MYO9A: variants seen among roughly 807,000 people sequenced by gnomAD.
MYO9A encodes myosin IXA, also known as unconventional myosin-IXa.
In MYO9A, 103 loss-of-function variants were observed where a neutral mutation model predicts 293.3. The observed-to-expected ratio is 0.35, with a 90% CI of 0.30 to 0.41. The LOEUF (loss-of-function observed/expected upper bound fraction) is 0.41. MYO9A is among the 10% of genes least tolerant of loss of function. MYO9A has a pLI of 1.00. For synonymous variants in MYO9A, 1,001 were observed against 1,035.7 expected, an observed-to-expected ratio of 0.97 and a Z score of 0.64; for missense variants, 2,685 against 3,033.0, an observed-to-expected ratio of 0.89 and a Z score of 2.69.
At chr15:71,926,100 G>A (rs1596209000) in intron 18 of MYO9A, among the ~76,000 whole-genome samples, 1 of 152,278 alleles carries the variant, frequency 6.6e-6, no homozygotes, top group African/African-American at 2.4e-5. Context: ...CTAGGTAGGT[G>A]CAGCAGTGTA....
intron 15 of MYO9A, among the ~76,000 whole-genome samples, chr15:71,947,158 T>A (rs1335464106): frequency 6.6e-6 from 1 of 151,944 alleles, no homozygotes; most frequent in Non-Finnish European, 1.5e-5. Context: ...GGCATGCACC[T>A]GTAGTCCGAG....
At chr15:71,911,640 T>TA (rs1449321778) in intron 19 of MYO9A, among the ~76,000 whole-genome samples, 3 of 152,188 alleles carry the variant, frequency 2.0e-5, no homozygotes, top group Non-Finnish European at 4.4e-5. Context: ...AAACTTCTTT[T>TA]AAAAAACTAC....
chr15:71,851,459 T>C, intron 36 of MYO9A, 101 bp from the exon 37 acceptor site: 1 of 843,002 alleles, frequency 1.2e-6, no homozygotes, highest in South Asian at 2.1e-5. Flanking sequence ...CTACAGAGTT[T>C]TAGGAGTAGT....
At chr15:72,041,464 A>C in intron 2 of MYO9A, 1 of 358,826 alleles carries the variant, frequency 2.8e-6, no homozygotes, top group Admixed American at 3.9e-5. Context: ...TTTCCCATGA[A>C]AACAGCAATT....
intron 34 of MYO9A, among the ~76,000 whole-genome samples, chr15:71,856,990 AAATAG>A (rs751374482): frequency 6.4e-4 from 97 of 152,194 alleles, no homozygotes; most frequent in Non-Finnish European, 6.3e-4. Flanking sequence ...ATTATTATAG[AAATAG>A]AATAGAATAA....
chr15:71,987,749 G>GT (rs1416522762), intron 11 of MYO9A, among the ~76,000 whole-genome samples: 1 of 152,072 alleles, frequency 6.6e-6, no homozygotes, highest in Non-Finnish European at 1.5e-5. Flanking sequence ...CTGTGATACT[G>GT]TACCTTCTTT....
Position 71,862,737 on chromosome 15 carries a change from A to T in MYO9A, c.5980-126T>A, listed in dbSNP as rs2056187705. ...CACTAATTCCAGGGGGACAATTAGGATCTTTTGAGAAATAACATAAAATAA... is the reference window on the plus strand; with the variant it reads ...CACTAATTCCAGGGGGACAATTAGGTTCTTTTGAGAAATAACATAAAATAA... On this transcript the variant is annotated intron_variant, in intron 32 of 41. Transcript: ENST00000356056. 1.0e-5 allele frequency: 6 copies of T among 590,474 alleles called. No individual in the cohort carries two copies. The Middle Eastern group carries it at 1.4e-3, about 136-fold the overall frequency. 36.6% of individuals were successfully genotyped at this position (590,474 alleles called of 1,614,324 possible).
Position 72,046,034 on chromosome 15 carries a change from G to C in MYO9A, c.530C>G (p.Thr177Ser). Residue 177 changes from threonine (T) to serine (S), a missense_variant, in exon 2 of 42, where the codon ACC becomes AGC. Coordinates refer to ENST00000356056, the MANE Select transcript of MYO9A (RefSeq NM_006901.4). ...AACTATTAGAATACTGCCAACATAG[G>C]TATAAATTTTTTCATGCTTAAAGCG... ...RNRFKHEKIY[T>S]YVGSILIVIN... 6.2e-7 allele frequency: 1 copy of C among 1,613,330 alleles called. No homozygotes were observed. Among genetic ancestry groups the C allele is most frequent in the Non-Finnish European group, 8.5e-7 (1 of 1,179,740 alleles).
intron 39 of MYO9A, among the ~76,000 whole-genome samples, chr15:71,840,197 C>T (rs547068799): frequency 6.6e-6 from 1 of 152,334 alleles, no homozygotes; most frequent in Admixed American, 6.5e-5. Flanking sequence ...ACCCTGGAAA[C>T]AATATCTATG....
Position 71,825,194 on chromosome 15 carries a change from A to AACTC in MYO9A, c.*1382_*1385dup, listed in dbSNP as rs1223214712. The AACTC allele has an allele frequency of 6.6e-6, 1 of 152,252 alleles. No individual in the cohort carries two copies. Among genetic ancestry groups the AACTC allele is most frequent in the East Asian group, 1.9e-4 (1 of 5,200 alleles). 9.4% of individuals were successfully genotyped at this position (152,252 alleles called of 1,614,324 possible). A position where few individuals can be genotyped will look rare whatever the true frequency, so the allele number is the denominator to read the frequency against. On this transcript the variant is annotated 3_prime_UTR_variant, in exon 42 of 42. Transcript: ENST00000356056. Reference sequence around the variant, plus strand: ...GCTAAGATACTTAAAATGCTATTATAACTCATGTGTATGAAGACCACCCAG... The same window carrying AACTC: ...GCTAAGATACTTAAAATGCTATTATAACTCACTCATGTGTATGAAGACCACCCAG...
At chr15:72,049,912 A>G (rs2078502968) in intron 1 of MYO9A, among the ~76,000 whole-genome samples, 1 of 152,168 alleles carries the variant, frequency 6.6e-6, no homozygotes, top group Admixed American at 6.5e-5. Flanking sequence ...TAATCCCTAA[A>G]GTTGTATAAT....
chr15:72,028,581 AGGCTGCAGT>A (rs1180834691), intron 3 of MYO9A, among the ~76,000 whole-genome samples: 1 of 151,734 alleles, frequency 6.6e-6, no homozygotes, highest in African/African-American at 2.4e-5. Flanking sequence ...CGGGAGGCAG[AGGCTGCAGT>A]GAGCTGAGAT....
At chr15:71,885,871 A>G (rs1487550293) in intron 27 of MYO9A, among the ~76,000 whole-genome samples, 1 of 151,096 alleles carries the variant, frequency 6.6e-6, no homozygotes, top group African/African-American at 2.4e-5. Context: ...CCATTTCTTC[A>G]TTTTTTGCTC....
intron 7 of MYO9A, 72 bp from the exon 8 acceptor site, chr15:72,008,024 GT>G (rs1480770919): frequency 4.0e-6 from 6 of 1,514,594 alleles, no homozygotes; most frequent in Non-Finnish European, 5.3e-6. Context: ...TAAAATTCTA[GT>G]TAAGCAAATT....
intron 1 of MYO9A, among the ~76,000 whole-genome samples, chr15:72,101,833 C>T (rs1353595035): frequency 2.7e-5 from 4 of 147,920 alleles, no homozygotes; most frequent in African/African-American, 7.4e-5. Flanking sequence ...GTCAGCCCCC[C>T]GCCCGGCCAG....
In MYO9A at chr15:71,951,438, TTG is replaced by T. The variant is rs1191683409; in HGVS notation, c.2302+337_2302+338del. Among the ~76,000 whole-genome samples the T allele has an allele frequency of 2.8e-3, 398 of 142,514 alleles. 1 individual carries two copies. Among genetic ancestry groups the T allele is most frequent in the African/African-American group, 9.3e-3 (370 of 39,810 alleles). 93.5% of individuals were successfully genotyped at this position (142,514 alleles called of 152,430 possible). A position where few individuals can be genotyped will look rare whatever the true frequency, so the allele number is the denominator to read the frequency against. ...TTAGACCTCAATAAAGTTTTTTTTG[TTG>T]TTTTTTTTTTTATGAGCAGGAAAGA... On this transcript the variant is annotated intron_variant, in intron 15 of 41. Transcript: ENST00000356056.
At chr15:72,047,503 T>G (rs2078421870) in intron 1 of MYO9A, among the ~76,000 whole-genome samples, 1 of 152,192 alleles carries the variant, frequency 6.6e-6, no homozygotes, top group Admixed American at 6.5e-5. Context: ...GAGAAAATAG[T>G]GATTTCCTTC....
At chr15:71,946,448 G>GT (rs1263878132) in intron 15 of MYO9A, among the ~76,000 whole-genome samples, 4 of 152,100 alleles carry the variant, frequency 2.6e-5, no homozygotes, top group Non-Finnish European at 5.9e-5. Context: ...TCCATTTCAC[G>GT]TAAGTTGAAC....
intron 1 of MYO9A, among the ~76,000 whole-genome samples, chr15:72,114,005 G>A (rs952295508): frequency 3.9e-5 from 6 of 152,112 alleles, no homozygotes; most frequent in East Asian, 1.9e-4. Context: ...GACATAGGGG[G>A]AAAAAAACTG....
Sources: gnomAD v4.1 joint callset for allele counts (sites outside exome capture counted in the v4.1 genomes callset) on GRCh38, gnomAD v4.1.1 for gene constraint, MANE v1.5 for transcripts, NCBI Gene and HGNC (gene_info 2026-07-23, HGNC 2026-07-21) for gene names.